ARHGAP21: variants seen among roughly 807,000 people sequenced by gnomAD.
ARHGAP21 encodes the protein Rho GTPase activating protein 21, also known as rho GTPase-activating protein 21.
ARHGAP21 carries 38 observed loss-of-function variants against 164.6 expected under a neutral mutation model. That is an observed-to-expected ratio of 0.23 (90% CI 0.18 to 0.30). ARHGAP21 has a LOEUF of 0.30. ARHGAP21 is among the 10% of genes least tolerant of loss of function. The pLI is 1.00. For missense variants in ARHGAP21, 1,822 were observed against 2,370.7 expected (o/e 0.77, Z 4.81); for synonymous variants, 766 against 857.9 (o/e 0.89, Z 1.87).
rs1040970930 is a variant in ARHGAP21 at position 24,583,715 on chromosome 10, C to T, written c.*697G>A. 2.0e-5 allele frequency: 3 copies of T among 152,560 alleles called. No individual in the cohort carries two copies. The highest frequency in any genetic ancestry group is 4.4e-5 in the Non-Finnish European group (3 of 68,014). The allele number at this position is 152,560 out of a possible 1,614,324, so 9.5% of individuals were successfully genotyped here. A position where few individuals can be genotyped will look rare whatever the true frequency, so the allele number is the denominator to read the frequency against. On this transcript the variant is annotated 3_prime_UTR_variant, in exon 26 of 26. Coordinates refer to ENST00000396432, the MANE Select transcript of ARHGAP21 (RefSeq NM_020824.4). ...TCCTCATGCAGAATTATATTCTTCTCGATAAAGAAGCCAGTTCCATCCAGG... is the reference window on the plus strand; with the variant it reads ...TCCTCATGCAGAATTATATTCTTCTTGATAAAGAAGCCAGTTCCATCCAGG...
intron 4 of ARHGAP21, among the ~76,000 whole-genome samples, chr10:24,637,168 G>A (rs1836468484): frequency 6.6e-6 from 1 of 152,144 alleles, no homozygotes; most frequent in Non-Finnish European, 1.5e-5. Flanking sequence ...GCAATTCCAT[G>A]CTGCCTCAAA....
chr10:24,590,789 T>C, intron 24 of ARHGAP21: 2 of 985,324 alleles, frequency 2.0e-6, no homozygotes, highest in Non-Finnish European at 2.4e-6. Context: ...GTTCAACAGA[T>C]TTAACTTGCT....
At chr10:24,625,687 T>C (rs1322362757) in intron 7 of ARHGAP21, among the ~76,000 whole-genome samples, 1 of 152,206 alleles carries the variant, frequency 6.6e-6, no homozygotes, top group East Asian at 1.9e-4. Flanking sequence ...ACCACCTACA[T>C]GTACACTTGA....
chr10:24,606,127 CAT>C (rs773858205), intron 11 of ARHGAP21, among the ~76,000 whole-genome samples: 5 of 151,772 alleles, frequency 3.3e-5, no homozygotes, highest in Non-Finnish European at 5.9e-5. Context: ...AAAAAGTAAA[CAT>C]AAATTTTGTT....
chr10:24,586,412 G>A (rs1287364211), intron 25 of ARHGAP21, among the ~76,000 whole-genome samples: 1 of 152,032 alleles, frequency 6.6e-6, no homozygotes, highest in East Asian at 1.9e-4. Flanking sequence ...CCAAACACCT[G>A]ACCTTCCCTC....
chr10:24,622,735 GT>G lies in ARHGAP21; in HGVS notation c.522del (p.Leu175TrpfsTer9). On this transcript the variant is annotated frameshift_variant, in exon 8 of 26. Coordinates refer to ENST00000396432, the MANE Select transcript of ARHGAP21 (RefSeq NM_020824.4). LOFTEE classifies it high-confidence loss of function. ...QVLQFTKDVT[A>X]LAYSQDAYLK... Reference sequence around the variant, plus strand: ...AATGGCTACTGTGCATTTCTTACCAGTGCTGTGACATCCTTTGTAAACTGTA... The same window carrying G: ...AATGGCTACTGTGCATTTCTTACCAGGCTGTGACATCCTTTGTAAACTGTA... 6.2e-7 allele frequency: 1 copy of G among 1,611,600 alleles called. No individual in the cohort carries two copies. The highest frequency in any genetic ancestry group is 1.1e-5 in the South Asian group (1 of 90,676).
rs1250984727 is a variant in ARHGAP21, at chr10:24,583,625, A to G, written c.*787T>C. On this transcript the variant is annotated 3_prime_UTR_variant, in exon 26 of 26. Transcript: ENST00000396432. The stretch of plus-strand genomic sequence containing the variant: ...CAAGCCATGCAAAATTCACCAAAAC[A>G]ATTTTTATTTCCAGTGTTTAATTGG... The G allele has an allele frequency of 6.6e-6, 1 of 152,616 alleles. No individual in the cohort carries two copies. The highest frequency in any genetic ancestry group is 1.5e-5 in the Non-Finnish European group (1 of 68,014). The allele number at this position is 152,616 out of a possible 1,614,324, so 9.5% of individuals were successfully genotyped here. A position where few individuals can be genotyped will look rare whatever the true frequency, so the allele number is the denominator to read the frequency against.
intron 2 of ARHGAP21, among the ~76,000 whole-genome samples, chr10:24,710,183 C>A (rs577026260): frequency 6.6e-5 from 10 of 152,080 alleles, no homozygotes; most frequent in Non-Finnish European, 1.3e-4. Context: ...GGAGAATATC[C>A]AGTATCTCTA....
intron 25 of ARHGAP21, 25 bp from the exon 26 acceptor site, chr10:24,586,131 C>T (rs1395199398): frequency 1.4e-5 from 21 of 1,543,978 alleles, no homozygotes; most frequent in Non-Finnish European, 1.8e-5. Flanking sequence ...AGAAGAAAGA[C>T]TCTGAGCATA....
At chr10:24,625,854 A>G (rs1835090181) in intron 7 of ARHGAP21, among the ~76,000 whole-genome samples, 2 of 152,224 alleles carry the variant, frequency 1.3e-5, no homozygotes, top group South Asian at 4.1e-4. Flanking sequence ...CACTGGACTC[A>G]GAACCCAGAG....
At chr10:24,681,915 T>C (rs371695996) in intron 2 of ARHGAP21, among the ~76,000 whole-genome samples, 18 of 152,246 alleles carry the variant, frequency 1.2e-4, no homozygotes, top group East Asian at 7.7e-4. Context: ...GGACATGCAC[T>C]CTGACTAGAC....
intron 2 of ARHGAP21, among the ~76,000 whole-genome samples, chr10:24,712,211 T>C (rs1214356852): frequency 2.6e-5 from 4 of 152,060 alleles, no homozygotes; most frequent in African/African-American, 7.2e-5. Context: ...CCACTGCACC[T>C]GGCCAAGTTA....
At chr10:24,614,820 AC>A (rs1262898732) in intron 9 of ARHGAP21, among the ~76,000 whole-genome samples, 2 of 152,002 alleles carry the variant, frequency 1.3e-5, no homozygotes, top group Non-Finnish European at 2.9e-5. Flanking sequence ...TTTAAAAAAA[AC>A]GTATTTCCCT....
At chr10:24,598,395 AG>A (rs2076672384) in intron 14 of ARHGAP21, among the ~76,000 whole-genome samples, 1 of 152,262 alleles carries the variant, frequency 6.6e-6, no homozygotes, top group Non-Finnish European at 1.5e-5. Context: ...TTCTTCAAAA[AG>A]AAAAACAAAT....
chr10:24,653,314 C>T (rs1196085469), intron 4 of ARHGAP21, among the ~76,000 whole-genome samples: 1 of 152,114 alleles, frequency 6.6e-6, no homozygotes, highest in African/African-American at 2.4e-5. Context: ...GTGGCTCACG[C>T]CTGTAATCCC....
chr10:24,614,276 A>G (rs1320010447), intron 9 of ARHGAP21, among the ~76,000 whole-genome samples: 1 of 152,188 alleles, frequency 6.6e-6, no homozygotes, highest in Non-Finnish European at 1.5e-5. Flanking sequence ...GGACTTGGGT[A>G]GTGAGAAGGG....
intron 12 of ARHGAP21, among the ~76,000 whole-genome samples, chr10:24,603,893 G>T (rs2076915899): frequency 1.3e-5 from 2 of 152,190 alleles, no homozygotes. Context: ...CTACTTGGGA[G>T]GCTGAGGCAG....
intron 13 of ARHGAP21, 60 bp from the exon 14 acceptor site, chr10:24,600,990 T>G: frequency 6.5e-7 from 1 of 1,547,446 alleles, no homozygotes; most frequent in Non-Finnish European, 8.8e-7. Flanking sequence ...TGTGACAGGA[T>G]AAGCACATTA....
chr10:24,631,962 C>T (rs181667377), intron 6 of ARHGAP21, among the ~76,000 whole-genome samples: 14 of 152,216 alleles, frequency 9.2e-5, no homozygotes, highest in Non-Finnish European at 1.2e-4. Flanking sequence ...CTCAAGTGAT[C>T]GGCCCACCTC....
Sources: allele counts gnomAD v4.1 joint callset (sites outside exome capture counted in the v4.1 genomes callset), GRCh38; gene constraint gnomAD v4.1.1; transcripts MANE v1.5; gene names NCBI Gene and HGNC (gene_info 2026-07-23, HGNC 2026-07-21).